The following MAF variants were observed in gnomAD, a reference collection of about 807,000 sequenced individuals.
The protein encoded by MAF is transcription factor Maf.
Under a neutral mutation model 22.0 loss-of-function variants are expected in MAF, and 10 were observed. The observed-to-expected ratio is 0.45, with a 90% CI of 0.28 to 0.77. MAF has a LOEUF of 0.77. Among genes scored for constraint, MAF ranks in the 30% least tolerant of loss-of-function variants. MAF has a pLI of 0.12. For missense variants in MAF, 544 were observed against 548.4 expected (o/e 0.99, Z 0.08); for synonymous variants, 337 against 255.8 (o/e 1.32, Z -3.03).
At chr16:79,211,965 G>GGAATT in the MAF span, 1 of 1,535,222 alleles carries the variant, frequency 6.5e-7, no homozygotes, top group South Asian at 1.2e-5. Flanking sequence ...TGGGAAGCAG[G>GGAATT]GAATTCCTGG....
chr16:79,298,376 T>C, the MAF span, among the ~76,000 whole-genome samples: 1 of 152,370 alleles, frequency 6.6e-6, no homozygotes, highest in Admixed American at 6.5e-5. Context: ...GCTTGAATGG[T>C]CTAGCACTTT....
the MAF span, among the ~76,000 whole-genome samples, chr16:79,297,322 C>T: frequency 1.3e-4 from 20 of 152,194 alleles, no homozygotes; most frequent in South Asian, 1.2e-3. Flanking sequence ...AGCAAAACGG[C>T]GGCAAATGCT....
chr16:79,592,810 A>G (rs1249501117), downstream of MAF, among the ~76,000 whole-genome samples: 2 of 152,256 alleles, frequency 1.3e-5, no homozygotes, highest in Admixed American at 6.5e-5. Context: ...TAAAAGAACT[A>G]AGACATTTCT....
At chr16:79,547,685 G>A in the MAF span, among the ~76,000 whole-genome samples, 1 of 152,226 alleles carries the variant, frequency 6.6e-6, no homozygotes, top group Non-Finnish European at 1.5e-5. Context: ...GGTCTACCTT[G>A]GATCTGAAGT....
the MAF span, among the ~76,000 whole-genome samples, chr16:79,454,318 G>A: frequency 6.6e-6 from 1 of 152,138 alleles, no homozygotes; most frequent in African/African-American, 2.4e-5. Flanking sequence ...CAGGGTGAAA[G>A]GACAGTGAAG....
At chr16:79,369,497 T>C in the MAF span, among the ~76,000 whole-genome samples, 39 of 152,354 alleles carry the variant, frequency 2.6e-4, no homozygotes, top group East Asian at 7.5e-3. Context: ...ATTTCACATA[T>C]ACTAAGAGAA....
chr16:79,322,041 G>C, the MAF span, among the ~76,000 whole-genome samples: 2 of 152,104 alleles, frequency 1.3e-5, no homozygotes, highest in African/African-American at 4.8e-5. Context: ...CGACCAACCT[G>C]GGCAACACGG....
the MAF span, among the ~76,000 whole-genome samples, chr16:79,563,626 GTTTCTC>G: frequency 6.6e-6 from 1 of 151,818 alleles, no homozygotes; most frequent in Non-Finnish European, 1.5e-5. Context: ...CATTTTAGCT[GTTTCTC>G]TTTACTTTTT....
the MAF span, among the ~76,000 whole-genome samples, chr16:79,247,994 A>G: frequency 6.7e-6 from 1 of 148,688 alleles, no homozygotes; most frequent in Non-Finnish European, 1.5e-5. Context: ...TTACCCACCC[A>G]GTTTTGGACA....
chr16:79,493,621 A>G, the MAF span, among the ~76,000 whole-genome samples: 1 of 152,334 alleles, frequency 6.6e-6, no homozygotes, highest in Admixed American at 6.5e-5. Flanking sequence ...TCTCGGTTAC[A>G]TGGAAGTTTT....
the MAF span, among the ~76,000 whole-genome samples, chr16:79,520,035 C>T: frequency 2.0e-5 from 3 of 152,216 alleles, no homozygotes; most frequent in Non-Finnish European, 2.9e-5. Context: ...ATACCCCAAG[C>T]GTGTGCTGAC....
chr16:79,328,262 C>A, the MAF span, among the ~76,000 whole-genome samples: 2 of 151,654 alleles, frequency 1.3e-5, no homozygotes, highest in Admixed American at 6.6e-5. Flanking sequence ...TAAGCTCAAA[C>A]AAGTGCAAAT....
chr16:79,358,624 T>A, the MAF span, among the ~76,000 whole-genome samples: 4 of 152,160 alleles, frequency 2.6e-5, no homozygotes, highest in African/African-American at 9.7e-5. Flanking sequence ...TTTACTTTTT[T>A]GCGAGGATGT....
At chr16:79,239,518 G>A in the MAF span, among the ~76,000 whole-genome samples, 1 of 152,056 alleles carries the variant, frequency 6.6e-6, no homozygotes, top group African/African-American at 2.4e-5. Context: ...GGGTTGGATG[G>A]ATAAAAGTGA....
chr16:79,242,701 G>T, the MAF span, among the ~76,000 whole-genome samples: 1 of 151,760 alleles, frequency 6.6e-6, no homozygotes, highest in African/African-American at 2.4e-5. Context: ...GGACCAAGCA[G>T]ATCTAATAGA....
chr16:79,537,536 T>C, the MAF span, among the ~76,000 whole-genome samples: 3 of 152,364 alleles, frequency 2.0e-5, no homozygotes, highest in East Asian at 3.9e-4. Context: ...CTCATGCCTA[T>C]GTTCCTGACC....
At chr16:79,534,430 G>C in the MAF span, among the ~76,000 whole-genome samples, 5 of 152,128 alleles carry the variant, frequency 3.3e-5, no homozygotes, top group Non-Finnish European at 5.9e-5. Context: ...AGCTGTCCTG[G>C]AATGCAATGC....
the MAF span, among the ~76,000 whole-genome samples, chr16:79,266,801 C>T: frequency 1.9e-4 from 29 of 152,106 alleles, no homozygotes; most frequent in African/African-American, 4.8e-4. Context: ...GGCAAGGCAC[C>T]GAACATGATC....
the MAF span, among the ~76,000 whole-genome samples, chr16:79,417,845 C>T: frequency 1.3e-5 from 2 of 152,102 alleles, no homozygotes; most frequent in African/African-American, 2.4e-5. Context: ...GAGCTCCACA[C>T]GACGCGGCAC....
Sources: gnomAD v4.1 joint callset for allele counts (sites outside exome capture counted in the v4.1 genomes callset) on GRCh38, gnomAD v4.1.1 for gene constraint, MANE v1.5 for transcripts, NCBI Gene and HGNC (gene_info 2026-07-23, HGNC 2026-07-21) for gene names.